Variants in ELAVL4 observed in about 807,000 individuals in gnomAD.
The protein encoded by ELAVL4 is ELAV-like protein 4.
ELAVL4 carries 1 observed loss-of-function variant against 35.6 expected under a neutral mutation model. The observed-to-expected ratio is 0.03, with a 90% CI of 0.01 to 0.13. The LOEUF is 0.13. Among genes scored for constraint, ELAVL4 ranks in the 10% least tolerant of loss-of-function variants. The pLI is 1.00. For missense variants in ELAVL4, 267 were observed against 464.9 expected (o/e 0.57, Z 3.91); for synonymous variants, 156 against 171.0 (o/e 0.91, Z 0.69).
intron 2 of ELAVL4, chr1:50,174,514 A>G (rs1176189731): frequency 6.6e-6 from 1 of 151,166 alleles, no homozygotes; most frequent in Non-Finnish European, 1.5e-5. Context: ...TTTTCCCAAA[A>G]GCACCCTCAT....
At chr1:50,161,836 T>A (rs1045665685) in intron 2 of ELAVL4, among the ~76,000 whole-genome samples, 1 of 152,224 alleles carries the variant, frequency 6.6e-6, no homozygotes, top group African/African-American at 2.4e-5. Context: ...GCAGTCCTCC[T>A]GCCTCAGCCT....
At chr1:50,091,311 G>A (rs753868657) in intron 1 of ELAVL4, among the ~76,000 whole-genome samples, 13 of 152,144 alleles carry the variant, frequency 8.5e-5, no homozygotes, top group African/African-American at 2.9e-4. Flanking sequence ...TGCTGGCAGC[G>A]TCTTACTAAA....
chr1:50,056,501 G>A lies in ELAVL4; in HGVS notation c.18+8319G>A, dbSNP rs1162183202. Among the ~76,000 whole-genome samples, 3 of 152,156 alleles carry A rather than the reference G, an allele frequency of 2.0e-5. No homozygotes were observed. The East Asian group carries it at 5.8e-4, about 29-fold the overall frequency. On this transcript the variant is annotated intron_variant, in intron 1 of 6. Coordinates refer to the ELAVL4 transcript ENST00000448907. Reference sequence around the variant, plus strand: ...TACTCATATGTTTGTGGTAATAGTGGTGTAAACAAATCTACTGTGCTGCCA... The same window carrying A: ...TACTCATATGTTTGTGGTAATAGTGATGTAAACAAATCTACTGTGCTGCCA...
chr1:50,169,119 T>C (rs1047167197), intron 2 of ELAVL4, among the ~76,000 whole-genome samples: 4 of 152,054 alleles, frequency 2.6e-5, no homozygotes, highest in Non-Finnish European at 5.9e-5. Context: ...TGGAGTCCGA[T>C]GTTCAAGGGC....
At chr1:50,148,102 T>C (rs553066598) in intron 2 of ELAVL4, among the ~76,000 whole-genome samples, 63 of 152,338 alleles carry the variant, frequency 4.1e-4, no homozygotes, top group African/African-American at 1.4e-3. Flanking sequence ...TGCTAAGCGC[T>C]GGACATACCC....
At chr1:50,174,530 A>C (rs1002630038) in intron 2 of ELAVL4, 2 of 140,320 alleles carry the variant, frequency 1.4e-5, no homozygotes, top group Non-Finnish European at 3.1e-5. Flanking sequence ...CTCATTCTTG[A>C]TGTTAAATGC....
chr1:50,128,047 G>A (rs1355904029), intron 1 of ELAVL4, among the ~76,000 whole-genome samples: 1 of 152,124 alleles, frequency 6.6e-6, no homozygotes, highest in Non-Finnish European at 1.5e-5. Context: ...CTTAAAGGTA[G>A]AAATGTTCTG....
At chr1:50,117,197 A>T (rs766001456) in intron 1 of ELAVL4, among the ~76,000 whole-genome samples, 10 of 152,258 alleles carry the variant, frequency 6.6e-5, no homozygotes, top group Middle Eastern at 3.4e-3. Context: ...TCTAGTGGAA[A>T]AGTTAATCTT....
intron 1 of ELAVL4, among the ~76,000 whole-genome samples, chr1:50,119,377 C>T (rs1229489109): frequency 6.6e-6 from 1 of 151,974 alleles, no homozygotes; most frequent in Non-Finnish European, 1.5e-5. Flanking sequence ...AATCTCATGC[C>T]TATTAATGAA....
chr1:50,172,823 G>A (rs1297897501), intron 2 of ELAVL4, among the ~76,000 whole-genome samples: 2 of 152,150 alleles, frequency 1.3e-5, no homozygotes, highest in Non-Finnish European at 2.9e-5. Flanking sequence ...TAGAAGGATG[G>A]GAAAGCATTT....
intron 1 of ELAVL4, chr1:50,109,774 C>A: frequency 1.4e-6 from 1 of 726,502 alleles, no homozygotes; most frequent in Non-Finnish European, 2.4e-6. Context: ...CCTGTCATGA[C>A]CTCATAAAAA....
At chr1:50,129,954 G>A (rs977627826) in intron 1 of ELAVL4, among the ~76,000 whole-genome samples, 2 of 152,106 alleles carry the variant, frequency 1.3e-5, no homozygotes, top group African/African-American at 4.8e-5. Context: ...AAGACAGATA[G>A]AATTGTTCAC....
chr1:50,105,149 C>T (rs1258235680), upstream of ELAVL4, among the ~76,000 whole-genome samples: 1 of 152,086 alleles, frequency 6.6e-6, no homozygotes, highest in Non-Finnish European at 1.5e-5. Context: ...ATTAAATAAA[C>T]CTAATTTCTA....
chr1:50,168,728 C>T (rs1399329763), intron 2 of ELAVL4, among the ~76,000 whole-genome samples: 3 of 152,110 alleles, frequency 2.0e-5, no homozygotes, highest in South Asian at 2.1e-4. Context: ...GCATAACGCT[C>T]TAAACAGGTC....
chr1:50,167,890 A>G (rs1037497225), intron 2 of ELAVL4, among the ~76,000 whole-genome samples: 7 of 152,090 alleles, frequency 4.6e-5, no homozygotes, highest in Admixed American at 1.3e-4. Flanking sequence ...TTTGTCACCA[A>G]TTTTGCAATC....
intron 1 of ELAVL4, among the ~76,000 whole-genome samples, chr1:50,079,293 A>G (rs1664906003): frequency 6.6e-6 from 1 of 152,186 alleles, no homozygotes; most frequent in African/African-American, 2.4e-5. Flanking sequence ...ATTCTGATGT[A>G]GACTAGCATG....
At chr1:50,074,423 G>C (rs949456884) in intron 1 of ELAVL4, among the ~76,000 whole-genome samples, 1 of 152,154 alleles carries the variant, frequency 6.6e-6, no homozygotes, top group African/African-American at 2.4e-5. Context: ...CATTTACTGA[G>C]CACCTTCTAT....
intron 1 of ELAVL4, among the ~76,000 whole-genome samples, chr1:50,139,961 G>A (rs1346526982): frequency 6.6e-6 from 1 of 152,150 alleles, no homozygotes; most frequent in East Asian, 1.9e-4. Context: ...ACGTTATTGT[G>A]CACCGCTCTA....
At chr1:50,188,649 G>T (rs1044000662) in intron 3 of ELAVL4, among the ~76,000 whole-genome samples, 1 of 152,182 alleles carries the variant, frequency 6.6e-6, no homozygotes, top group African/African-American at 2.4e-5. Flanking sequence ...GACCCCACAG[G>T]CCGAGAGCAG....
Sources: allele counts gnomAD v4.1 joint callset (sites outside exome capture counted in the v4.1 genomes callset), GRCh38; gene constraint gnomAD v4.1.1; transcripts MANE v1.5; gene names NCBI Gene and HGNC (gene_info 2026-07-23, HGNC 2026-07-21).